EVI5: variants seen among roughly 807,000 people sequenced by gnomAD.
EVI5 encodes ecotropic viral integration site 5 protein homolog.
In EVI5, 73 loss-of-function variants were observed where a neutral mutation model predicts 112.0. That is an observed-to-expected ratio of 0.65 (90% CI 0.54 to 0.79). EVI5 has a LOEUF of 0.79. EVI5 is among the 30% of genes least tolerant of loss of function. The pLI is 0.00. For missense variants in EVI5, 900 were observed against 968.8 expected (o/e 0.93, Z 0.94); for synonymous variants, 305 against 319.9 (o/e 0.95, Z 0.50).
chr1:92,644,594 T>C (rs1407484257), intron 13 of EVI5, among the ~76,000 whole-genome samples: 1 of 152,192 alleles, frequency 6.6e-6, no homozygotes, highest in African/African-American at 2.4e-5. Flanking sequence ...GCTTAGATTA[T>C]TGGTTTGAGA....
intron 19 of EVI5, among the ~76,000 whole-genome samples, chr1:92,521,199 C>T (rs903807011): frequency 1.2e-4 from 18 of 152,018 alleles, no homozygotes; most frequent in African/African-American, 3.9e-4. Context: ...TGGGCTCATG[C>T]AGTCCACCCA....
intron 18 of EVI5, among the ~76,000 whole-genome samples, chr1:92,584,271 T>C (rs550452653): frequency 6.6e-6 from 1 of 152,300 alleles, no homozygotes; most frequent in Non-Finnish European, 1.5e-5. Flanking sequence ...AATGCTTTTT[T>C]TTTTCCAGGC....
At chr1:92,674,357 A>G (rs1455298341) in intron 10 of EVI5, among the ~76,000 whole-genome samples, 1 of 152,206 alleles carries the variant, frequency 6.6e-6, no homozygotes, top group Admixed American at 6.5e-5. Flanking sequence ...AAGCAGCCAT[A>G]AAAAAGGATG....
At chr1:92,708,535 A>G (rs896388226) in intron 2 of EVI5, among the ~76,000 whole-genome samples, 1 of 152,172 alleles carries the variant, frequency 6.6e-6, no homozygotes, top group African/African-American at 2.4e-5. Context: ...GGAATGTAAA[A>G]TGGTACAAGC....
chr1:92,575,074 A>C (rs1319002273), intron 18 of EVI5, among the ~76,000 whole-genome samples: 1 of 152,222 alleles, frequency 6.6e-6, no homozygotes, highest in African/African-American at 2.4e-5. Flanking sequence ...GGAGGCAAAT[A>C]TAAAAGCATC....
At chr1:92,784,423 T>G (rs1470420484) in intron 1 of EVI5, 5 of 985,180 alleles carry the variant, frequency 5.1e-6, no homozygotes, top group African/African-American at 1.7e-5. Context: ...AGACGCCAAC[T>G]TTGCAAGTCA....
At chr1:92,576,994 G>C (rs200791764) in intron 18 of EVI5, among the ~76,000 whole-genome samples, 1 of 152,278 alleles carries the variant, frequency 6.6e-6, no homozygotes, top group East Asian at 1.9e-4. Context: ...ATGAAAATAA[G>C]TGCTGAGTGC....
At chr1:92,593,856 C>T (rs148328686) in intron 18 of EVI5, among the ~76,000 whole-genome samples, 2 of 152,136 alleles carry the variant, frequency 1.3e-5, no homozygotes, top group Admixed American at 6.5e-5. Flanking sequence ...AGGAATCCAG[C>T]TTACAAGGGA....
intron 19 of EVI5, among the ~76,000 whole-genome samples, chr1:92,555,024 T>C (rs1315316029): frequency 1.3e-5 from 2 of 152,116 alleles, no homozygotes; most frequent in Non-Finnish European, 2.9e-5. Flanking sequence ...TTTTAAAATA[T>C]AAGTGGAGGC....
At chr1:92,787,054 A>C (rs1190697853), upstream of EVI5, among the ~76,000 whole-genome samples, 1 of 152,196 alleles carries the variant, frequency 6.6e-6, no homozygotes, top group Non-Finnish European at 1.5e-5. Context: ...CATCGCATGA[A>C]ACTGTAATTG....
intron 14 of EVI5, among the ~76,000 whole-genome samples, chr1:92,632,300 C>A (rs1454701467): frequency 3.9e-5 from 6 of 152,130 alleles, no homozygotes; most frequent in Non-Finnish European, 8.8e-5. Context: ...GGCTGTGAAT[C>A]CATCTGGTCC....
intron 4 of EVI5, 79 bp from the exon 5 acceptor site, chr1:92,702,294 C>A (rs1015918070): frequency 2.5e-4 from 177 of 704,642 alleles, no homozygotes; most frequent in Admixed American, 9.8e-4. Flanking sequence ...ATTGGCAAGA[C>A]AGACAGATTA....
intron 9 of EVI5, among the ~76,000 whole-genome samples, chr1:92,687,996 C>G (rs909113663): frequency 6.6e-6 from 1 of 152,114 alleles, no homozygotes. Context: ...GGATCTAGAA[C>G]TAGAAATACC....
rs866747676 is a variant in EVI5, at chr1:92,607,703, G to A, written c.1852C>T (p.Arg618Ter). 1.2e-6 allele frequency: 2 copies of A among 1,601,870 alleles called. No individual in the cohort carries two copies. The highest frequency in any genetic ancestry group is 1.3e-5 in the African/African-American group (1 of 74,364). ...TQNQINSNHLRRAEQEVISLQ... is the reference protein window; with the variant it reads ...TQNQINSNHL Reference sequence around the variant, plus strand: ...CTAATCACCTCTTGTTCTGCTCTTCGAAGATGGTTACTATTGATCTGGTTC... The same window carrying A: ...CTAATCACCTCTTGTTCTGCTCTTCAAAGATGGTTACTATTGATCTGGTTC... The change falls in exon 17 of 20, where the codon CGA becomes TGA. Residue 618 changes from arginine to a stop codon, truncating the protein, a stop_gained. Coordinates refer to ENST00000684568, the MANE Select transcript of EVI5 (RefSeq NM_001350197.2). LOFTEE classifies it high-confidence loss of function.
chr1:92,758,571 C>CA (rs11369948), intron 1 of EVI5, among the ~76,000 whole-genome samples: 108,838 of 129,322 alleles, frequency 0.84, 45,129 homozygotes, highest in East Asian at 0.93. Flanking sequence ...CCCTGTCTCA[C>CA]AAAAAAAAAA....
chr1:92,759,133 G>A (rs1180280716), intron 1 of EVI5, among the ~76,000 whole-genome samples: 1 of 152,110 alleles, frequency 6.6e-6, no homozygotes, highest in African/African-American at 2.4e-5. Context: ...TGAGGAGGGA[G>A]AACTGCTTGA....
intron 19 of EVI5, 117 bp downstream of exon 19, chr1:92,563,525 A>G: frequency 1.9e-6 from 1 of 518,504 alleles, no homozygotes; most frequent in African/African-American, 1.9e-5. Context: ...ATTATAACCA[A>G]TAATTCACAG....
intron 9 of EVI5, among the ~76,000 whole-genome samples, chr1:92,691,628 C>T (rs1669516297): frequency 6.6e-6 from 1 of 151,808 alleles, no homozygotes; most frequent in Non-Finnish European, 1.5e-5. Flanking sequence ...AAATTATCTT[C>T]TTAGATTGAA....
chr1:92,723,790 A>T (rs949246986), intron 2 of EVI5, among the ~76,000 whole-genome samples: 8 of 152,182 alleles, frequency 5.3e-5, no homozygotes, highest in African/African-American at 1.9e-4. Context: ...GCAGAAAGTG[A>T]GTAGCAGAAA....
Sources: gnomAD v4.1 joint callset for allele counts (sites outside exome capture counted in the v4.1 genomes callset) on GRCh38, gnomAD v4.1.1 for gene constraint, MANE v1.5 for transcripts, NCBI Gene and HGNC (gene_info 2026-07-23, HGNC 2026-07-21) for gene names.